ZNF716: variants seen among roughly 807,000 people sequenced by gnomAD.
ZNF716 encodes zinc finger protein 716.
In ZNF716, 9 loss-of-function variants were observed where a neutral mutation model predicts 13.4. The observed-to-expected ratio is 0.67, with a 90% CI of 0.41 to 1.18. The LOEUF (loss-of-function observed/expected upper bound fraction) is 1.18. Ranked by LOEUF, ZNF716 falls within the 50% of genes most tolerant of loss-of-function variation. The pLI, the probability that ZNF716 is intolerant of heterozygous loss-of-function variation, is 0.01. For missense variants in ZNF716, 581 were observed against 576.6 expected, an observed-to-expected ratio of 1.01 and a Z score of -0.08; for synonymous variants, 186 against 195.2, an observed-to-expected ratio of 0.95 and a Z score of 0.39.
intron 3 of ZNF716, 62 bp from the exon 4 acceptor site, chr7:57,468,662 T>G: frequency 6.6e-7 from 1 of 1,503,910 alleles, no homozygotes; most frequent in Non-Finnish European, 8.9e-7. Context: ...TATATTTGAT[T>G]TGCAAAATAT....
At position 57,468,872 on chromosome 7, in the gene ZNF716, G is replaced by A; in HGVS notation, c.411G>A (p.Val137=). The change falls in exon 4 of 4, where the codon GTG becomes GTA. Residue 137 remains valine (V), a synonymous_variant. Coordinates refer to ENST00000420713, the MANE Select transcript of ZNF716 (RefSeq NM_001159279.1). ...GTAAAAGTGTAGGTGAGTGTGAGGT[G>A]CACAAAGGAGGTTATAATTATGTTA... The part of the protein sequence containing the change: ...KCCKSVGECE[V]HKGGYNYVNQ... 6.2e-7 allele frequency: 1 copy of A among 1,613,548 alleles called. No individual in the cohort carries two copies. Among genetic ancestry groups the A allele is most frequent in the South Asian group, 1.1e-5 (1 of 91,066 alleles).
At chr7:57,467,537 C>CT (rs778986781) in intron 3 of ZNF716, among the ~76,000 whole-genome samples, 1 of 126,590 alleles carries the variant, frequency 7.9e-6, no homozygotes, top group Non-Finnish European at 1.7e-5. Flanking sequence ...CCATTTTGCA[C>CT]GTTTTTTTCT....
Position 57,471,129 on chromosome 7 carries a change from A to T in ZNF716, c.*1180A>T, listed in dbSNP as rs1178920616. On this transcript the variant is annotated 3_prime_UTR_variant, in exon 4 of 4. Coordinates refer to ENST00000420713, the MANE Select transcript of ZNF716 (RefSeq NM_001159279.1). ...CAGAAAGTTTATACTTAACAAAAGC[A>T]TTATAGGCTAGATGTGGTGGCTCAT... 6.6e-6 allele frequency: 1 copy of T among 152,102 alleles called. No homozygotes were observed. Among genetic ancestry groups the T allele is most frequent in the Non-Finnish European group, 1.5e-5 (1 of 68,000 alleles). 9.4% of individuals were successfully genotyped at this position (152,102 alleles called of 1,614,324 possible). A position where few individuals can be genotyped will look rare whatever the true frequency, so the allele number is the denominator to read the frequency against.
rs1425482868 is a variant in ZNF716, at chr7:57,472,829, T to A, written c.*2880T>A. The A allele has an allele frequency of 6.6e-6, 1 of 152,078 alleles. No homozygotes were observed. The highest frequency in any genetic ancestry group is 1.5e-5 in the Non-Finnish European group (1 of 68,034). 9.4% of individuals were successfully genotyped at this position (152,078 alleles called of 1,614,324 possible). On this transcript the variant is annotated 3_prime_UTR_variant, in exon 4 of 4. Coordinates refer to ENST00000420713, the MANE Select transcript of ZNF716 (RefSeq NM_001159279.1). ...TTGTTCCCATAGGACAAATTTGTAC[T>A]TTTTTACCTTATTTAATTTTTTTTT...
rs781990819 is a variant in ZNF716, at chr7:57,450,360, G to T, written c.39+33G>T. 3.1e-6 allele frequency: 5 copies of T among 1,613,878 alleles called. No homozygotes were observed. The Admixed American group carries it at 8.3e-5, about 27-fold the overall frequency. On this transcript the variant is annotated intron_variant, in intron 1 of 3. Transcript: ENST00000420713. The stretch of plus-strand genomic sequence containing the variant: ...CTGGGTCTGTCACCGTGAGAGAGGG[G>T]TGGGGGCTGGTTGGAACTGACTGAA...
At chr7:57,464,825 A>G (rs1419536581) in intron 3 of ZNF716, among the ~76,000 whole-genome samples, 1 of 152,128 alleles carries the variant, frequency 6.6e-6, no homozygotes, top group Non-Finnish European at 1.5e-5. Context: ...TGTCTGTTGA[A>G]GGGATTTTAT....
In ZNF716 at chr7:57,470,004, A is replaced by G; in HGVS notation, c.*55A>G. ...AATACATAAAATAATTTATACTGGA[A>G]AAAATCACTACAAGTGTGGAGAATG... On this transcript the variant is annotated 3_prime_UTR_variant, in exon 4 of 4. Coordinates refer to ENST00000420713, the MANE Select transcript of ZNF716 (RefSeq NM_001159279.1). The G allele has an allele frequency of 1.4e-6, 2 of 1,444,604 alleles. No individual in the cohort carries two copies. Among genetic ancestry groups the G allele is most frequent in the Non-Finnish European group, 1.8e-6 (2 of 1,090,056 alleles). The allele number at this position is 1,444,604 out of a possible 1,614,324, so 89.5% of individuals were successfully genotyped here.
chr7:57,471,010 T>C lies in ZNF716; in HGVS notation c.*1061T>C, dbSNP rs1196591612. On this transcript the variant is annotated 3_prime_UTR_variant, in exon 4 of 4. Coordinates refer to ENST00000420713, the MANE Select transcript of ZNF716 (RefSeq NM_001159279.1). ...AAAACTTTTAACAAATTTTCCCATC[T>C]TATTGCACAGGAAGCCTTTTATACT... is the stretch of plus-strand genomic sequence containing the variant. The C allele has an allele frequency of 6.6e-6, 1 of 152,216 alleles. No individual in the cohort carries two copies. The highest frequency in any genetic ancestry group is 2.4e-5 in the African/African-American group (1 of 41,458). The allele number at this position is 152,216 out of a possible 1,614,324, so 9.4% of individuals were successfully genotyped here. A position where few individuals can be genotyped will look rare whatever the true frequency, so the allele number is the denominator to read the frequency against.
chr7:57,462,366 A>G (rs1789722395), intron 1 of ZNF716, 94 bp from the exon 2 acceptor site: 2 of 1,421,410 alleles, frequency 1.4e-6, no homozygotes, highest in African/African-American at 2.9e-5. Flanking sequence ...CTCTTATTTA[A>G]CATGAGTCAA....
intron 1 of ZNF716, among the ~76,000 whole-genome samples, chr7:57,458,745 TA>T (rs1389677953): frequency 2.0e-5 from 3 of 152,132 alleles, no homozygotes; most frequent in Non-Finnish European, 4.4e-5. Flanking sequence ...TAGTTATTTA[TA>T]AATAGTTATT....
chr7:57,466,635 T>C (rs1230868566), intron 3 of ZNF716, among the ~76,000 whole-genome samples: 1 of 152,166 alleles, frequency 6.6e-6, no homozygotes, highest in Admixed American at 6.6e-5. Flanking sequence ...GGCATATACT[T>C]CTTGTATACT....
rs782797915 is a variant in ZNF716 at position 57,473,552 on chromosome 7, T to G, written c.*3603T>G. The G allele has an allele frequency of 6.6e-6, 1 of 151,970 alleles. No individual in the cohort carries two copies. Among genetic ancestry groups the G allele is most frequent in the African/African-American group, 2.4e-5 (1 of 41,376 alleles). 9.4% of individuals were successfully genotyped at this position (151,970 alleles called of 1,614,324 possible). On this transcript the variant is annotated 3_prime_UTR_variant, in exon 4 of 4. Coordinates refer to ENST00000420713, the MANE Select transcript of ZNF716 (RefSeq NM_001159279.1). ...AAAATAAATAAATAAAAGATATACCTTAAGCATAAGAAAGTTATGTAGCAA... is the reference window on the plus strand; with the variant it reads ...AAAATAAATAAATAAAAGATATACCGTAAGCATAAGAAAGTTATGTAGCAA...
At chr7:57,464,880 G>A (rs1309766108) in intron 3 of ZNF716, among the ~76,000 whole-genome samples, 19 of 152,034 alleles carry the variant, frequency 1.2e-4, no homozygotes, top group African/African-American at 4.6e-4. Flanking sequence ...AGATTATTTG[G>A]TCATACACAG....
In ZNF716 at chr7:57,473,280, A is replaced by T. The variant is rs1209573239; in HGVS notation, c.*3331A>T. 6.6e-6 allele frequency: 1 copy of T among 152,138 alleles called. No individual in the cohort carries two copies. The highest frequency in any genetic ancestry group is 1.5e-5 in the Non-Finnish European group (1 of 68,028). The allele number at this position is 152,138 out of a possible 1,614,324, so 9.4% of individuals were successfully genotyped here. On this transcript the variant is annotated 3_prime_UTR_variant, in exon 4 of 4. Coordinates refer to ENST00000420713, the MANE Select transcript of ZNF716 (RefSeq NM_001159279.1). Reference sequence around the variant, plus strand: ...GCACAGTGGCTCCCAGCATTTTGGGAGCCTGAGGTGGGAGGATCATTTGAG... The same window carrying T: ...GCACAGTGGCTCCCAGCATTTTGGGTGCCTGAGGTGGGAGGATCATTTGAG...
chr7:57,462,656 T>C (rs1789730632), intron 2 of ZNF716, 70 bp downstream of exon 2: 2 of 1,494,298 alleles, frequency 1.3e-6, no homozygotes, highest in African/African-American at 2.8e-5. Context: ...ATTTTGGTAA[T>C]TTCTGCTTTG....
Position 57,463,273 on chromosome 7 carries a change from A to T in ZNF716, c.262+105A>T, listed in dbSNP as rs545084281. 5.8e-4 allele frequency: 848 copies of T among 1,473,452 alleles called. 17 individuals carry two copies. Among genetic ancestry groups the T allele is most frequent in the South Asian group, 5.0e-3 (400 of 80,616 alleles). 91.3% of individuals were successfully genotyped at this position (1,473,452 alleles called of 1,614,324 possible). The stretch of plus-strand genomic sequence containing the variant: ...CTGGGGAGCTGTACTTCGATGGAAG[A>T]GTTTCTGAGAAGCCAGAGTCATTTT... On this transcript the variant is annotated intron_variant, in intron 3 of 3. Coordinates refer to ENST00000420713, the MANE Select transcript of ZNF716 (RefSeq NM_001159279.1).
Position 57,463,163 on chromosome 7 carries a change from A to C in ZNF716, c.257A>C (p.His86Pro), listed in dbSNP as rs1554323445. 53 of 1,607,510 alleles carry C rather than the reference A, an allele frequency of 3.3e-5. No individual in the cohort carries two copies. The highest frequency in any genetic ancestry group is 4.2e-5 in the Non-Finnish European group (50 of 1,179,888). Residue 86 changes from histidine (H) to proline (P), a missense_variant, in exon 3 of 4, where the codon CAC (histidine) becomes CCC (proline). His to Pro is a moderately conservative substitution (Grantham distance 77). Coordinates refer to ENST00000420713, the MANE Select transcript of ZNF716 (RefSeq NM_001159279.1). Reference protein sequence around the residue: ...NIKRNEMVAKHPVTCSHFTQD... With the variant: ...NIKRNEMVAKPPVTCSHFTQD... ...AAGAGAAATGAGATGGTAGCCAAAC[A>C]CCCAGGTAGGTGAGAGCGAATGAAG...
intron 3 of ZNF716, among the ~76,000 whole-genome samples, chr7:57,463,602 A>G (rs565820295): frequency 3.3e-5 from 5 of 152,144 alleles, no homozygotes; most frequent in Admixed American, 3.3e-4. Context: ...TGCACATGCC[A>G]TTCTGTTTTT....
rs1383820065 is a variant in ZNF716 at position 57,472,260 on chromosome 7, C to T, written c.*2311C>T. Reference sequence around the variant, plus strand: ...AATTCTAGTGAGGAAAACCTTTGAACGTCAGTAGTAAATTATTTTATCAAT... The same window carrying T: ...AATTCTAGTGAGGAAAACCTTTGAATGTCAGTAGTAAATTATTTTATCAAT... On this transcript the variant is annotated 3_prime_UTR_variant, in exon 4 of 4. Transcript: ENST00000420713. 1 of 152,090 alleles carries T rather than the reference C, an allele frequency of 6.6e-6. No homozygotes were observed. Among genetic ancestry groups the T allele is most frequent in the Non-Finnish European group, 1.5e-5 (1 of 68,014 alleles). The allele number at this position is 152,090 out of a possible 1,614,324, so 9.4% of individuals were successfully genotyped here.
Sources: gnomAD v4.1 joint callset for allele counts (sites outside exome capture counted in the v4.1 genomes callset) on GRCh38, gnomAD v4.1.1 for gene constraint, MANE v1.5 for transcripts, NCBI Gene and HGNC (gene_info 2026-07-23, HGNC 2026-07-21) for gene names.